ZNF652: variants seen among roughly 807,000 people sequenced by gnomAD.
ZNF652 encodes zinc finger protein 652.
In ZNF652, 16 loss-of-function variants were observed where a neutral mutation model predicts 45.2. The observed-to-expected ratio is 0.35, with a 90% CI of 0.24 to 0.54. The LOEUF (loss-of-function observed/expected upper bound fraction) is 0.54, where lower values mean the gene tolerates loss of function less well. ZNF652 is among the 20% of genes least tolerant of loss of function. The pLI is 0.91. For synonymous variants in ZNF652, 250 were observed against 260.6 expected (o/e 0.96, Z 0.39); for missense variants, 614 against 765.6 (o/e 0.80, Z 2.34).
intron 1 of ZNF652, among the ~76,000 whole-genome samples, chr17:49,354,483 C>A (rs2070313661): frequency 6.6e-6 from 1 of 151,738 alleles, no homozygotes; most frequent in African/African-American, 2.4e-5. Flanking sequence ...AAAAGATTCA[C>A]ACCTATAGTC....
intron 1 of ZNF652, among the ~76,000 whole-genome samples, chr17:49,344,599 C>A (rs982369404): frequency 6.8e-6 from 1 of 147,666 alleles, no homozygotes; most frequent in Non-Finnish European, 1.5e-5. Context: ...CGGCTCACTG[C>A]AACCTCTGCC....
At chr17:49,351,025 A>ATG (rs2070275750) in intron 1 of ZNF652, among the ~76,000 whole-genome samples, 8 of 85,890 alleles carry the variant, frequency 9.3e-5, no homozygotes, top group African/African-American at 2.3e-4. Flanking sequence ...ACACACACAC[A>ATG]CACACACACA....
At chr17:49,350,729 G>A (rs1331975870) in intron 1 of ZNF652, among the ~76,000 whole-genome samples, 1 of 151,234 alleles carries the variant, frequency 6.6e-6, no homozygotes, top group Non-Finnish European at 1.5e-5. Context: ...CAGCACTTTG[G>A]GAGGCCAAGG....
chr17:49,318,452 T>C (rs1256086442), intron 1 of ZNF652, among the ~76,000 whole-genome samples: 1 of 152,212 alleles, frequency 6.6e-6, no homozygotes, highest in Non-Finnish European at 1.5e-5. Flanking sequence ...TTTTACTGGA[T>C]TACAGGAATT....
intron 5 of ZNF652, among the ~76,000 whole-genome samples, chr17:49,308,801 C>CAA (rs79308997): frequency 3.5e-5 from 3 of 85,316 alleles, no homozygotes; most frequent in Admixed American, 1.3e-4. Context: ...TAGTCCGTCT[C>CAA]AAAAAAAAAA....
chr17:49,324,433 C>G (rs1451001901), intron 1 of ZNF652, among the ~76,000 whole-genome samples: 1 of 152,148 alleles, frequency 6.6e-6, no homozygotes, highest in Non-Finnish European at 1.5e-5. Flanking sequence ...ACCTGTCACC[C>G]AGGCTGGAGT....
At chr17:49,313,771 G>A (rs1478595445) in intron 2 of ZNF652, among the ~76,000 whole-genome samples, 6 of 151,250 alleles carry the variant, frequency 4.0e-5, no homozygotes, top group Non-Finnish European at 8.8e-5. Flanking sequence ...TCAGGAGTTC[G>A]AGACCAGCCT....
intron 5 of ZNF652, among the ~76,000 whole-genome samples, chr17:49,304,909 CATAT>C (rs1341911988): frequency 6.6e-6 from 1 of 150,950 alleles, no homozygotes; most frequent in Non-Finnish European, 1.5e-5. Context: ...CACACACATA[CATAT>C]ATACACACAC....
At chr17:49,315,048 T>G (rs1314491285) in intron 2 of ZNF652, among the ~76,000 whole-genome samples, 6 of 148,528 alleles carry the variant, frequency 4.0e-5, no homozygotes, top group South Asian at 4.3e-4. Context: ...GTTTGTTTTT[T>G]TTTTTTTTTT....
rs777121191 is a variant in ZNF652, at chr17:49,292,966, A to C, written c.*5447T>G. Among the ~76,000 whole-genome samples the C allele has an allele frequency of 4.6e-5, 7 of 152,186 alleles. No individual in the cohort carries two copies. The highest frequency in any genetic ancestry group is 1.7e-4 in the African/African-American group (7 of 41,452). On this transcript the variant is annotated 3_prime_UTR_variant, in exon 6 of 6. Coordinates refer to ENST00000430262, the MANE Select transcript of ZNF652 (RefSeq NM_001145365.3). The stretch of plus-strand genomic sequence containing the variant: ...TCAGAGGTAGGATTTAGATCAGGAA[A>C]AGAATGTTCCAGGATGCTGGCATTT...
rs1025059441 is a variant in ZNF652, at chr17:49,292,848, C to T, written c.*5565G>A. On this transcript the variant is annotated 3_prime_UTR_variant, in exon 6 of 6. Coordinates refer to ENST00000430262, the MANE Select transcript of ZNF652 (RefSeq NM_001145365.3). ...GACATGGAGGAACAAAACAGAAATACGGTCAAAATTCTTGTCCAAGGTTTT... is the reference window on the plus strand; with the variant it reads ...GACATGGAGGAACAAAACAGAAATATGGTCAAAATTCTTGTCCAAGGTTTT... Among the ~76,000 whole-genome samples, 1 of 152,108 alleles carries T rather than the reference C, an allele frequency of 6.6e-6. No individual in the cohort carries two copies. The highest frequency in any genetic ancestry group is 2.4e-5 in the African/African-American group (1 of 41,430).
chr17:49,327,754 TATATATATATATATATATATATATA>T (rs1422278199), intron 1 of ZNF652, among the ~76,000 whole-genome samples: 229 of 5,520 alleles, frequency 0.041, 4 homozygotes, highest in East Asian at 0.18. Flanking sequence ...TATATATATA[TATATATATATATATATATATATATA>T]TTTTTTTTTT....
intron 1 of ZNF652, among the ~76,000 whole-genome samples, chr17:49,358,721 C>T (rs2070363455): frequency 6.6e-6 from 1 of 152,136 alleles, no homozygotes; most frequent in South Asian, 2.1e-4. Flanking sequence ...TACGAGATTA[C>T]TTCCCATACT....
At chr17:49,358,727 A>T (rs1001034629) in intron 1 of ZNF652, among the ~76,000 whole-genome samples, 1 of 152,140 alleles carries the variant, frequency 6.6e-6, no homozygotes, top group Non-Finnish European at 1.5e-5. Context: ...ATTACTTCCC[A>T]TACTTAGAAC....
At chr17:49,357,994 A>G (rs2070355238) in intron 1 of ZNF652, among the ~76,000 whole-genome samples, 1 of 152,240 alleles carries the variant, frequency 6.6e-6, no homozygotes, top group African/African-American at 2.4e-5. Flanking sequence ...AAATCTTGTC[A>G]TAAGACAAAA....
At chr17:49,298,996 A>T (rs1286131913) in intron 5 of ZNF652, 72 bp from the exon 6 acceptor site, 2 of 1,395,644 alleles carry the variant, frequency 1.4e-6, no homozygotes, top group Admixed American at 4.8e-5. Flanking sequence ...TTTTTTTTTT[A>T]ATAGAAATGG....
At chr17:49,345,966 ACAT>A (rs1200107469) in intron 1 of ZNF652, among the ~76,000 whole-genome samples, 4 of 152,232 alleles carry the variant, frequency 2.6e-5, no homozygotes, top group African/African-American at 9.6e-5. Flanking sequence ...CTTAAAATCA[ACAT>A]CATCAAGCCT....
rs1006890436 is a variant in ZNF652, at chr17:49,297,697, T to G, written c.*716A>C. The G allele has an allele frequency of 6.6e-6, 1 of 152,670 alleles. No homozygotes were observed. The highest frequency in any genetic ancestry group is 2.4e-5 in the African/African-American group (1 of 41,458). 9.5% of individuals were successfully genotyped at this position (152,670 alleles called of 1,614,324 possible). ...TTGAATTATAGAAGTTATATGCATC[T>G]TTAAGAATCACATTTTGATGATTAT... On this transcript the variant is annotated 3_prime_UTR_variant, in exon 6 of 6. Coordinates refer to ENST00000430262, the MANE Select transcript of ZNF652 (RefSeq NM_001145365.3).
intron 1 of ZNF652, among the ~76,000 whole-genome samples, chr17:49,347,037 C>A (rs2070211911): frequency 6.6e-6 from 1 of 152,186 alleles, no homozygotes; most frequent in Admixed American, 6.5e-5. Flanking sequence ...AAAGATAGGA[C>A]AACTGAGTAT....
Sources: gnomAD v4.1 joint callset for allele counts (sites outside exome capture counted in the v4.1 genomes callset) on GRCh38, gnomAD v4.1.1 for gene constraint, MANE v1.5 for transcripts, NCBI Gene and HGNC (gene_info 2026-07-23, HGNC 2026-07-21) for gene names.